Variants in DGKA observed in about 807,000 individuals in gnomAD.
DGKA encodes 80 kDa diacylglycerol kinase.
Under a neutral mutation model 105.0 loss-of-function variants are expected in DGKA, and 35 were observed. That is an observed-to-expected ratio of 0.33 (90% CI 0.25 to 0.44). The LOEUF (loss-of-function observed/expected upper bound fraction) is 0.44, where lower values mean the gene tolerates loss of function less well. DGKA is among the 20% of genes least tolerant of loss of function. The probability of loss-of-function intolerance (pLI) is 1.00; values close to 1 mark genes in which losing one functional copy is unlikely to be tolerated. For synonymous variants in DGKA, 296 were observed against 332.0 expected, an observed-to-expected ratio of 0.89 and a Z score of 1.18; for missense variants, 665 against 915.0, an observed-to-expected ratio of 0.73 and a Z score of 3.53.
rs141075839 is a variant in DGKA at position 55,931,866 on chromosome 12, A to G, written c.-82+522A>G. 5 of 152,352 alleles carry G rather than the reference A, an allele frequency of 3.3e-5. 1 individual carries two copies. The Middle Eastern group carries it at 0.01, about 309-fold the overall frequency. The allele number at this position is 152,352 out of a possible 1,614,324, so 9.4% of individuals were successfully genotyped here. A position where few individuals can be genotyped will look rare whatever the true frequency, so the allele number is the denominator to read the frequency against. On this transcript the variant is annotated intron_variant, in intron 1 of 23. Transcript: ENST00000331886. ...AGAAAATGTGTCCAAAGCCCCGGAC[A>G]TATTCGAGGGAGGGTGGAGCAGGTT...
Position 55,940,029 on chromosome 12 carries a change from G to T in DGKA, c.710-53G>T. 6.7e-7 allele frequency: 1 copy of T among 1,500,612 alleles called. No homozygotes were observed. The highest frequency in any genetic ancestry group is 1.1e-5 in the South Asian group (1 of 88,446). The allele number at this position is 1,500,612 out of a possible 1,614,324, so 93.0% of individuals were successfully genotyped here. ...TCCTGCCTCACCCTCAGGTAAGAAG[G>T]AAATAGGGGGAGAGGCTCAGCTAAG... On this transcript the variant is annotated intron_variant, in intron 9 of 23. Transcript: ENST00000331886. This position sits in a 1 kb window ranked among gnomAD's most constrained non-coding sequence, Gnocchi z 4.3.
chr12:55,941,022 T>C (rs780292361), intron 13 of DGKA, 42 bp downstream of exon 13: 3 of 1,593,240 alleles, frequency 1.9e-6, no homozygotes, highest in East Asian at 4.5e-5. Flanking sequence ...GGGGGCAGGT[T>C]TTTCACTGGA....
At chr12:55,953,451 C>A in intron 23 of DGKA, 41 bp downstream of exon 23, 1 of 1,594,304 alleles carries the variant, frequency 6.3e-7, no homozygotes, top group Non-Finnish European at 8.6e-7. Flanking sequence ...AACCCTTGGG[C>A]TCCATGGATC....
In DGKA at chr12:55,936,663, G is replaced by A. The variant is rs552380957; in HGVS notation, c.64+96G>A. On this transcript the variant is annotated intron_variant, in intron 2 of 23. Coordinates refer to ENST00000331886, the MANE Select transcript of DGKA (RefSeq NM_001345.5). ...CCCCCTGCCCCCCAGCTTCCTCAGT[G>A]GCTTTGAGCAGTGTGCTGCTCAGAT... is the stretch of plus-strand genomic sequence containing the variant. 3 of 1,544,498 alleles carry A rather than the reference G, an allele frequency of 1.9e-6. No homozygotes were observed. In the African/African-American group the frequency reaches 4.1e-5, roughly 21 times the overall value.
At chr12:55,949,395 C>T (rs1293181336) in intron 17 of DGKA, among the ~76,000 whole-genome samples, 1 of 152,184 alleles carries the variant, frequency 6.6e-6, no homozygotes, top group Non-Finnish European at 1.5e-5. Flanking sequence ...GACAGGGTTT[C>T]ACCATGTTGG....
intron 17 of DGKA, among the ~76,000 whole-genome samples, chr12:55,946,032 C>T (rs963669189): frequency 3.3e-5 from 5 of 152,196 alleles, no homozygotes; most frequent in Non-Finnish European, 5.9e-5. Context: ...AAGTGAACCA[C>T]CTGCCTCAGC....
Position 55,952,452 on chromosome 12 carries a change from C to T in DGKA, c.1743+21C>T. Reference sequence around the variant, plus strand: ...TTGAGGTGTGTGTAATAAGACTTAACCCTACATCCTTTTCAGCTTCTTAAT... The same window carrying T: ...TTGAGGTGTGTGTAATAAGACTTAATCCTACATCCTTTTCAGCTTCTTAAT... On this transcript the variant is annotated intron_variant, in intron 20 of 23. Coordinates refer to ENST00000331886, the MANE Select transcript of DGKA (RefSeq NM_001345.5). The surrounding 1 kb of genome is among the most constrained non-coding windows in gnomAD (Gnocchi z 5.1). The T allele has an allele frequency of 6.2e-7, 1 of 1,608,134 alleles. No homozygotes were observed. Among genetic ancestry groups the T allele is most frequent in the African/African-American group, 1.3e-5 (1 of 74,900 alleles).
chr12:55,937,651 A>G, intron 4 of DGKA, 108 bp downstream of exon 4: 1 of 1,423,692 alleles, frequency 7.0e-7, no homozygotes. Context: ...AGGTTGGGGG[A>G]AATTGGTGGA....
chr12:55,949,197 C>T (rs985041027), intron 17 of DGKA, among the ~76,000 whole-genome samples: 4 of 151,778 alleles, frequency 2.6e-5, no homozygotes, highest in African/African-American at 9.7e-5. Flanking sequence ...TATGCATAAA[C>T]AGACATTTTT....
intron 1 of DGKA, among the ~76,000 whole-genome samples, chr12:55,934,670 T>C (rs1267320979): frequency 6.6e-6 from 1 of 152,220 alleles, no homozygotes; most frequent in Non-Finnish European, 1.5e-5. Context: ...TAAGTGCTTT[T>C]CAGCATCATT....
Position 55,937,964 on chromosome 12 carries a change from T to G in DGKA, c.275-14T>G, listed in dbSNP as rs767721513. On this transcript the variant is annotated splice_polypyrimidine_tract_variant and intron_variant, in intron 4 of 23. Transcript: ENST00000331886. ...GAGGGAGCCCTGACTTCTGATCTGCTTTTTTGTAACCAGATGTGGTGTGTC... is the reference window on the plus strand; with the variant it reads ...GAGGGAGCCCTGACTTCTGATCTGCGTTTTTGTAACCAGATGTGGTGTGTC... 1.6e-5 allele frequency: 26 copies of G among 1,613,556 alleles called. No individual in the cohort carries two copies. Among genetic ancestry groups the G allele is most frequent in the South Asian group, 5.5e-5 (5 of 91,038 alleles).
upstream of DGKA, chr12:55,927,610 C>T: frequency 2.2e-6 from 3 of 1,372,244 alleles, no homozygotes; most frequent in Non-Finnish European, 3.0e-6. Flanking sequence ...CCCTATCTAA[C>T]CCTAAGAAGG....
chr12:55,946,131 T>C (rs1451031228), intron 17 of DGKA, among the ~76,000 whole-genome samples: 6 of 151,800 alleles, frequency 4.0e-5, no homozygotes, highest in Non-Finnish European at 7.4e-5. Flanking sequence ...TCTTTTTCCA[T>C]GTAAGGTAAC....
At chr12:55,953,508 C>A in intron 23 of DGKA, 98 bp downstream of exon 23, 1 of 1,395,024 alleles carries the variant, frequency 7.2e-7, no homozygotes, top group Non-Finnish European at 1.0e-6. Context: ...GATGCCTGAA[C>A]TTCCCCTGCA....
chr12:55,942,111 G>A (rs769059062), intron 16 of DGKA, 28 bp downstream of exon 16: 2 of 1,613,972 alleles, frequency 1.2e-6, no homozygotes, highest in Admixed American at 3.3e-5. Flanking sequence ...CGTGGGGAAG[G>A]TATTGGGGTC....
At chr12:55,951,567 G>C in intron 17 of DGKA, 56 bp from the exon 18 acceptor site, 1 of 1,566,662 alleles carries the variant, frequency 6.4e-7, no homozygotes, top group Non-Finnish European at 8.7e-7. Flanking sequence ...TGGGAGCTGA[G>C]AAGAGGCCTC....
At chr12:55,951,824 G>T (rs886333632) in intron 18 of DGKA, 41 bp downstream of exon 18, 8 of 1,602,498 alleles carry the variant, frequency 5.0e-6, no homozygotes, top group African/African-American at 2.7e-5. Context: ...GAAAGGGGGG[G>T]CCAAGCAGTC....
Position 55,932,218 on chromosome 12 carries a change from G to A in DGKA, c.-82+874G>A. On this transcript the variant is annotated intron_variant, in intron 1 of 23. Transcript: ENST00000331886. The surrounding 1 kb of genome is among the most constrained non-coding windows in gnomAD (Gnocchi z 4.3). ...AGGACCCACGGGCTGCGTTCGTGCTGCTGGGTCGGGAAGGAGGAAGCGTGA... is the reference window on the plus strand; with the variant it reads ...AGGACCCACGGGCTGCGTTCGTGCTACTGGGTCGGGAAGGAGGAAGCGTGA... The A allele has an allele frequency of 2.8e-6, 1 of 351,326 alleles. No individual in the cohort carries two copies. The highest frequency in any genetic ancestry group is 5.4e-6 in the Non-Finnish European group (1 of 184,068). The allele number at this position is 351,326 out of a possible 1,614,324, so 21.8% of individuals were successfully genotyped here.
chr12:55,941,293 C>T lies in DGKA; in HGVS notation c.1143C>T (p.Val381=). Residue 381 remains valine, a synonymous_variant, in exon 14 of 24, where the codon GTC becomes GTT. Coordinates refer to ENST00000331886, the MANE Select transcript of DGKA (RefSeq NM_001345.5). Reference sequence around the variant, plus strand: ...ACACCCACCCACTTCTCGTCTTTGTCAATCCTAAGAGTGGCGGGAAGCAGG... The same window carrying T: ...ACACCCACCCACTTCTCGTCTTTGTTAATCCTAAGAGTGGCGGGAAGCAGG... ...VPNTHPLLVF[V]NPKSGGKQGQ... is the part of the protein sequence containing the mutation. 6.2e-7 allele frequency: 1 copy of T among 1,613,752 alleles called. No individual in the cohort carries two copies. The highest frequency in any genetic ancestry group is 2.2e-5 in the East Asian group (1 of 44,870).
Sources: gnomAD v4.1 joint callset for allele counts (sites outside exome capture counted in the v4.1 genomes callset) on GRCh38, gnomAD v4.1.1 for gene constraint, Gnocchi (gnomAD v3.1) non-coding constraint, MANE v1.5 for transcripts, NCBI Gene and HGNC (gene_info 2026-07-23, HGNC 2026-07-21) for gene names.